The following EZR variants were observed in gnomAD, a reference collection of about 807,000 sequenced individuals.
The protein encoded by EZR is cytovillin 2.
Under a neutral mutation model 74.8 loss-of-function variants are expected in EZR, and 40 were observed. The ratio of observed to expected loss-of-function variants is 0.53; its 90% CI spans 0.42 to 0.70. The LOEUF is 0.70. Among genes scored for constraint, EZR ranks in the 30% least tolerant of loss-of-function variants. The probability of loss-of-function intolerance (pLI) is 0.00; values close to 1 mark genes in which losing one functional copy is unlikely to be tolerated. For missense variants in EZR, 678 were observed against 755.8 expected (o/e 0.90, Z 1.21); for synonymous variants, 341 against 283.3 (o/e 1.20, Z -2.05).
chr6:158,768,452 G>T (rs1790986674), intron 12 of EZR, among the ~76,000 whole-genome samples: 1 of 152,134 alleles, frequency 6.6e-6, no homozygotes, highest in South Asian at 2.1e-4. Flanking sequence ...AGGCAAGGAG[G>T]TACTAGGCAG....
chr6:158,774,660 G>C (rs1348626103), intron 8 of EZR, among the ~76,000 whole-genome samples: 1 of 130,376 alleles, frequency 7.7e-6, no homozygotes, highest in Admixed American at 8.3e-5. Context: ...TCAAGAGATG[G>C]ACTTATCATC....
chr6:158,803,946 G>C (rs1777273604), intron 2 of EZR, among the ~76,000 whole-genome samples: 1 of 151,400 alleles, frequency 6.6e-6, no homozygotes, highest in African/African-American at 2.5e-5. Flanking sequence ...TTAAAACCAG[G>C]TTGGGAAGAG....
At chr6:158,796,861 T>C (rs1001821352) in intron 2 of EZR, among the ~76,000 whole-genome samples, 1 of 152,210 alleles carries the variant, frequency 6.6e-6, no homozygotes, top group East Asian at 1.9e-4. Context: ...TTTCAGAATA[T>C]AGTTGGGAAA....
At chr6:158,794,977 G>A (rs1419100226) in intron 2 of EZR, among the ~76,000 whole-genome samples, 3 of 152,136 alleles carry the variant, frequency 2.0e-5, no homozygotes, top group East Asian at 3.8e-4. Context: ...TAGGCCAGGC[G>A]CAGTGGCTCA....
rs780296651 is a variant in EZR, at chr6:158,767,308, G to A, written c.1549C>T (p.Arg517Cys). The A allele has an allele frequency of 1.3e-5, 21 of 1,614,154 alleles. No individual in the cohort carries two copies. Among genetic ancestry groups the A allele is most frequent in the Admixed American group, 3.3e-5 (2 of 60,018 alleles). The change falls in exon 13 of 14, where the codon CGC becomes TGC. Residue 517 changes from arginine (R) to cysteine (C), a missense_variant. Physicochemically the swap from Arg to Cys is radical, Grantham distance 180. Coordinates refer to ENST00000367075, the MANE Select transcript of EZR (RefSeq NM_001111077.2). ...TCGTTCTTCTCTGCCTCAGTGATGC[G>A]CTTCTCCTCATTGCGGTCATCCCGG... ...GIRDDRNEEK[R>C]ITEAEKNERV... is the part of the protein sequence containing the mutation.
intron 2 of EZR, among the ~76,000 whole-genome samples, chr6:158,805,337 G>T (rs1349340381): frequency 8.6e-6 from 1 of 116,910 alleles, no homozygotes; most frequent in East Asian, 3.8e-4. Flanking sequence ...TCCATCTCAG[G>T]AAAAAAAAAA....
At chr6:158,777,691 G>C (rs960961022) in intron 7 of EZR, among the ~76,000 whole-genome samples, 7 of 152,114 alleles carry the variant, frequency 4.6e-5, no homozygotes, top group Non-Finnish European at 1.0e-4. Context: ...TACAGGTTTC[G>C]TTATGATCAC....
intron 2 of EZR, among the ~76,000 whole-genome samples, chr6:158,798,164 T>C (rs1777112020): frequency 6.6e-6 from 1 of 152,012 alleles, no homozygotes; most frequent in Admixed American, 6.6e-5. Context: ...CAGCACTTCA[T>C]TCTTTTTTTA....
At chr6:158,804,584 T>C (rs1562505116) in intron 2 of EZR, among the ~76,000 whole-genome samples, 1 of 152,120 alleles carries the variant, frequency 6.6e-6, no homozygotes, top group African/African-American at 2.4e-5. Flanking sequence ...ACTACACACA[T>C]AAACAAAAGT....
intron 4 of EZR, among the ~76,000 whole-genome samples, chr6:158,786,453 GC>G (rs1791584601): frequency 6.6e-6 from 1 of 152,164 alleles, no homozygotes; most frequent in Non-Finnish European, 1.5e-5. Context: ...GCCTCACTAA[GC>G]CCCAGTCCTC....
At chr6:158,792,521 T>C (rs1157031798) in intron 2 of EZR, among the ~76,000 whole-genome samples, 1 of 149,482 alleles carries the variant, frequency 6.7e-6, no homozygotes, top group African/African-American at 2.5e-5. Context: ...CAGTAGCGTG[T>C]AGAAAGTGAA....
chr6:158,779,834 CCAAA>C (rs1791381529), intron 7 of EZR, among the ~76,000 whole-genome samples: 2 of 152,018 alleles, frequency 1.3e-5, no homozygotes, highest in Admixed American at 1.3e-4. Context: ...TTTTAGCCTC[CCAAA>C]GTGCTGGGAT....
intron 3 of EZR, among the ~76,000 whole-genome samples, chr6:158,787,824 A>G (rs545025706): frequency 3.3e-5 from 5 of 152,330 alleles, no homozygotes; most frequent in African/African-American, 9.6e-5. Context: ...ACCTCCAGAA[A>G]TGGGACATTC....
In EZR at chr6:158,783,286, T is replaced by TA. The variant is rs199772558; in HGVS notation, c.698+233dup. Among the ~76,000 whole-genome samples, 1,422 of 150,678 alleles carry TA rather than the reference T, an allele frequency of 9.4e-3. 10 individuals are homozygous for TA. The highest frequency in any genetic ancestry group is 0.021 in the Middle Eastern group (6 of 292). ...GCCTCTGCTCTATTCTGCCTTCCTC[T>TA]ACCAGGACTGAGCCCACTATCGGCC... is the stretch of plus-strand genomic sequence containing the variant. On this transcript the variant is annotated intron_variant, in intron 7 of 13. Coordinates refer to ENST00000367075, the MANE Select transcript of EZR (RefSeq NM_001111077.2).
chr6:158,807,536 T>TCA (rs1170459334), intron 2 of EZR, among the ~76,000 whole-genome samples: 2 of 152,142 alleles, frequency 1.3e-5, no homozygotes, highest in African/African-American at 4.8e-5. Flanking sequence ...AGAAAGACCA[T>TCA]CATGGTTCAC....
At chr6:158,783,490 T>C (rs746257045) in intron 7 of EZR, 30 bp downstream of exon 7, 2 of 1,583,610 alleles carry the variant, frequency 1.3e-6, no homozygotes, top group South Asian at 1.1e-5. Flanking sequence ...CCACCCTACC[T>C]ACTGAAGATA....
Position 158,767,377 on chromosome 6 carries a change from C to A in EZR, c.1480G>T (p.Ala494Ser). The change falls in exon 13 of 14, where the codon GCA becomes TCA. Residue 494 changes from alanine to serine, a missense_variant. By Grantham distance (99) the Ala-to-Ser change is moderately conservative. Around this residue, in one of 3 missense-constraint regions of EZR, gnomAD observed 342 missense variants for 341.2 expected, o/e 1.00. Transcript: ENST00000367075. ...HVQESLQDEG[A>S]EPTGYSAELS... ...TCCGCGCTGTAGCCCGTGGGCTCTG[C>A]GCCCTCATCCTGCAAGCTCTCCTGG... The A allele has an allele frequency of 6.2e-7, 1 of 1,613,982 alleles. No individual in the cohort carries two copies. The highest frequency in any genetic ancestry group is 1.3e-5 in the African/African-American group (1 of 74,962).
chr6:158,807,321 A>C (rs375386774), intron 2 of EZR, among the ~76,000 whole-genome samples: 27,370 of 149,512 alleles, frequency 0.18, 2,698 homozygotes, highest in African/African-American at 0.24. Flanking sequence ...TCTCAAAAAA[A>C]AAAAAAAAAA....
intron 4 of EZR, 99 bp from the exon 5 acceptor site, chr6:158,785,682 C>A: frequency 7.0e-7 from 1 of 1,438,604 alleles, no homozygotes; most frequent in South Asian, 1.3e-5. Flanking sequence ...GGCCCTCAAG[C>A]CAGTTTTCAG....
Sources: gnomAD v4.1 joint callset for allele counts (sites outside exome capture counted in the v4.1 genomes callset) on GRCh38, gnomAD v4.1.1 for gene constraint, gnomAD v4.1.1 regional missense constraint, MANE v1.5 for transcripts, NCBI Gene and HGNC (gene_info 2026-07-23, HGNC 2026-07-21) for gene names.